The following PCNX2 variants were observed in gnomAD, a reference collection of about 807,000 sequenced individuals.
The protein encoded by PCNX2 is pecanex 2, also known as pecanex-like protein 2.
In PCNX2, 168 loss-of-function variants were observed where a neutral mutation model predicts 223.8. The observed-to-expected ratio is 0.75, with a 90% CI of 0.66 to 0.85. The LOEUF (loss-of-function observed/expected upper bound fraction) is 0.85. Among genes scored for constraint, PCNX2 ranks in the 40% least tolerant of loss-of-function variants. The pLI is 0.00. For synonymous variants in PCNX2, 1,006 were observed against 1,052.6 expected, an observed-to-expected ratio of 0.96 and a Z score of 0.86; for missense variants, 2,507 against 2,675.5, an observed-to-expected ratio of 0.94 and a Z score of 1.39.
At position 233,227,420 on chromosome 1, in the gene PCNX2, T is replaced by C. The variant is rs201300326; in HGVS notation, c.2359-49A>G. 172 of 1,549,588 alleles carry C rather than the reference T, an allele frequency of 1.1e-4. No homozygotes were observed. The African/African-American group carries it at 2.1e-3, about 19-fold the overall frequency. ...CAGAAAAAAGGGCTTTATGTTGTCA[T>C]GGCATGGCCACAAATATATATATAT... is the stretch of plus-strand genomic sequence containing the variant. On this transcript the variant is annotated intron_variant, in intron 9 of 33. Coordinates refer to ENST00000258229, the MANE Select transcript of PCNX2 (RefSeq NM_014801.4).
intron 25 of PCNX2, among the ~76,000 whole-genome samples, chr1:233,029,739 T>A (rs982729810): frequency 1.3e-5 from 2 of 151,942 alleles, no homozygotes; most frequent in African/African-American, 4.9e-5. Flanking sequence ...TTCTGGCTTG[T>A]ATGATTTCTT....
At position 233,258,846 on chromosome 1, in the gene PCNX2, C is replaced by G. The variant is rs1238084206; in HGVS notation, c.1016G>C (p.Gly339Ala). Residue 339 changes from glycine to alanine, a missense_variant, in exon 5 of 34, where the codon GGG becomes GCG. Coordinates refer to ENST00000258229, the MANE Select transcript of PCNX2 (RefSeq NM_014801.4). ...CACTTCCTGGTGCAAGGGCAGGTCC[C>G]CCTGGCAGGAGGTATCTACCTGACA... is the stretch of plus-strand genomic sequence containing the variant. ...TSCQVDTSCQ[G>A]DLPLHQEVDS... 6.2e-7 allele frequency: 1 copy of G among 1,613,806 alleles called. No individual in the cohort carries two copies. The highest frequency in any genetic ancestry group is 8.5e-7 in the Non-Finnish European group (1 of 1,179,888).
chr1:233,081,522 C>G (rs1040852353), intron 23 of PCNX2, among the ~76,000 whole-genome samples: 2 of 152,088 alleles, frequency 1.3e-5, no homozygotes, highest in African/African-American at 4.8e-5. Context: ...CTGTAAGAAC[C>G]AGGCCGGGGC....
intron 21 of PCNX2, among the ~76,000 whole-genome samples, chr1:233,121,271 A>T (rs1675775852): frequency 6.6e-6 from 1 of 152,200 alleles, no homozygotes; most frequent in African/African-American, 2.4e-5. Flanking sequence ...TGATCTACAG[A>T]TCCAGCATAA....
chr1:233,057,184 A>T, intron 24 of PCNX2, 48 bp downstream of exon 24: 1 of 1,429,172 alleles, frequency 7.0e-7, no homozygotes, highest in Non-Finnish European at 9.7e-7. Flanking sequence ...TTGAGAATCC[A>T]TCCATACAAC....
At chr1:233,172,877 G>A (rs578064578) in intron 17 of PCNX2, among the ~76,000 whole-genome samples, 13 of 152,054 alleles carry the variant, frequency 8.5e-5, no homozygotes, top group Admixed American at 3.3e-4. Flanking sequence ...GACTTTCCTC[G>A]TTTTCTTTTC....
chr1:233,072,268 A>T (rs1672890075), intron 23 of PCNX2, among the ~76,000 whole-genome samples: 1 of 152,050 alleles, frequency 6.6e-6, no homozygotes, highest in Admixed American at 6.5e-5. Flanking sequence ...GGGTTTTTAT[A>T]GTTTTGGGTT....
At chr1:233,285,372 A>G (rs1661398085) in intron 1 of PCNX2, among the ~76,000 whole-genome samples, 1 of 152,086 alleles carries the variant, frequency 6.6e-6, no homozygotes. Context: ...TAATAAAATT[A>G]AAAATTAAAA....
chr1:233,067,205 CA>C (rs1425074534), intron 23 of PCNX2, among the ~76,000 whole-genome samples: 2 of 151,034 alleles, frequency 1.3e-5, no homozygotes, highest in African/African-American at 4.9e-5. Flanking sequence ...TACTTACAAT[CA>C]GAAACAAACA....
At chr1:233,077,001 CT>C (rs1673124529) in intron 23 of PCNX2, among the ~76,000 whole-genome samples, 2 of 152,232 alleles carry the variant, frequency 1.3e-5, no homozygotes, top group African/African-American at 4.8e-5. Context: ...ATTCTGACCC[CT>C]AGTTTTCTGA....
chr1:233,082,793 A>G (rs1673419991), intron 23 of PCNX2, among the ~76,000 whole-genome samples: 1 of 152,226 alleles, frequency 6.6e-6, no homozygotes, highest in Admixed American at 6.5e-5. Context: ...GAAGTTGAGA[A>G]CTTCTTTCTT....
intron 1 of PCNX2, among the ~76,000 whole-genome samples, chr1:233,271,494 G>C: frequency 6.6e-6 from 1 of 151,906 alleles, no homozygotes; most frequent in East Asian, 1.9e-4. Flanking sequence ...AAAATGACGA[G>C]TGTCATGAAC....
intron 1 of PCNX2, 119 bp from the exon 2 acceptor site, chr1:233,263,282 A>G: frequency 2.3e-6 from 2 of 880,298 alleles, no homozygotes; most frequent in Non-Finnish European, 3.2e-6. Flanking sequence ...TTCAAATTAG[A>G]CTAATTTTTT....
At chr1:233,015,407 T>C (rs1423574840) in intron 27 of PCNX2, among the ~76,000 whole-genome samples, 1 of 152,096 alleles carries the variant, frequency 6.6e-6, no homozygotes, top group East Asian at 1.9e-4. Context: ...TTTTAAAAAA[T>C]TAGCCAGGTG....
chr1:233,018,007 G>A (rs970377583), intron 26 of PCNX2, among the ~76,000 whole-genome samples: 1 of 151,990 alleles, frequency 6.6e-6, no homozygotes. Context: ...AAAATAACAG[G>A]GTTTTCAGTT....
intron 1 of PCNX2, among the ~76,000 whole-genome samples, chr1:233,287,405 T>C (rs1371301597): frequency 6.6e-6 from 1 of 152,204 alleles, no homozygotes; most frequent in Non-Finnish European, 1.5e-5. Flanking sequence ...CCACAGCTCA[T>C]GGCAGGGACC....
rs112083189 is a variant in PCNX2, at chr1:233,245,409, G to C, written c.2222+5330C>G. Among the ~76,000 whole-genome samples the C allele has an allele frequency of 3.9e-3, 591 of 152,308 alleles. 3 individuals carry two copies. Among genetic ancestry groups the C allele is most frequent in the African/African-American group, 0.013 (537 of 41,562 alleles). Reference sequence around the variant, plus strand: ...TTTCAAAGATGAGAGTTTCAAAAGGGAGCAATGAGTGGAGAACTTGGCAAG... The same window carrying C: ...TTTCAAAGATGAGAGTTTCAAAAGGCAGCAATGAGTGGAGAACTTGGCAAG... On this transcript the variant is annotated intron_variant, in intron 8 of 33. Transcript: ENST00000258229.
intron 21 of PCNX2, among the ~76,000 whole-genome samples, chr1:233,104,944 A>G (rs1378834129): frequency 2.0e-5 from 3 of 152,150 alleles, no homozygotes; most frequent in Non-Finnish European, 4.4e-5. Flanking sequence ...AAATTAGAAC[A>G]TATTTTAAAA....
chr1:233,295,228 A>C lies in PCNX2; in HGVS notation c.153+98T>G, dbSNP rs1401607245. On this transcript the variant is annotated intron_variant, in intron 1 of 33. Transcript: ENST00000258229. This position sits in a 1 kb window ranked among gnomAD's most constrained non-coding sequence, Gnocchi z 4.1. ...TTTCCGTCTCTTAAGAATCTCTACG[A>C]ACCCGAAAGCCCGTGAGGCTGATGG... is the stretch of plus-strand genomic sequence containing the variant. The C allele has an allele frequency of 3.3e-6, 5 of 1,509,068 alleles. No homozygotes were observed. The African/African-American group carries it at 5.6e-5, about 17-fold the overall frequency. The allele number at this position is 1,509,068 out of a possible 1,614,324, so 93.5% of individuals were successfully genotyped here. A position where few individuals can be genotyped will look rare whatever the true frequency, so the allele number is the denominator to read the frequency against.
Sources: allele counts gnomAD v4.1 joint callset (sites outside exome capture counted in the v4.1 genomes callset), GRCh38; gene constraint gnomAD v4.1.1; non-coding constraint Gnocchi (gnomAD v3.1); transcripts MANE v1.5; gene names NCBI Gene and HGNC (gene_info 2026-07-23, HGNC 2026-07-21).